The following SLIT2 variants were observed in gnomAD, a reference collection of about 807,000 sequenced individuals.
SLIT2 encodes slit guidance ligand 2.
Under a neutral mutation model 185.7 loss-of-function variants are expected in SLIT2, and 41 were observed. That is an observed-to-expected ratio of 0.22 (90% CI 0.17 to 0.29). The LOEUF (loss-of-function observed/expected upper bound fraction) is 0.29. Among genes scored for constraint, SLIT2 ranks in the 10% least tolerant of loss-of-function variants. The pLI, the probability that SLIT2 is intolerant of heterozygous loss-of-function variation, is 1.00. For synonymous variants in SLIT2, 693 were observed against 680.2 expected (o/e 1.02, Z -0.29); for missense variants, 1,571 against 1,909.0 (o/e 0.82, Z 3.30).
intron 9 of SLIT2, among the ~76,000 whole-genome samples, chr4:20,507,085 A>G (rs1159776031): frequency 6.6e-6 from 1 of 152,032 alleles, no homozygotes; most frequent in Non-Finnish European, 1.5e-5. Flanking sequence ...GTACATTGCA[A>G]TAACAGATGA....
At chr4:20,447,528 C>T (rs1419773775) in intron 4 of SLIT2, among the ~76,000 whole-genome samples, 1 of 152,026 alleles carries the variant, frequency 6.6e-6, no homozygotes, top group African/African-American at 2.4e-5. Flanking sequence ...TTTTTTGATA[C>T]AAGGAGAAAA....
chr4:20,585,509 T>C (rs1326032109), intron 29 of SLIT2, among the ~76,000 whole-genome samples: 1 of 152,186 alleles, frequency 6.6e-6, no homozygotes, highest in African/African-American at 2.4e-5. Context: ...TGAAGCCAGA[T>C]CATGGAGTCA....
intron 4 of SLIT2, among the ~76,000 whole-genome samples, chr4:20,355,838 T>C (rs1722276951): frequency 6.6e-6 from 1 of 152,142 alleles, no homozygotes; most frequent in Non-Finnish European, 1.5e-5. Context: ...AGCTCAAAAT[T>C]TTCCTTAAAT....
intron 29 of SLIT2, among the ~76,000 whole-genome samples, chr4:20,569,613 T>C (rs183530735): frequency 2.0e-3 from 308 of 152,220 alleles, no homozygotes; most frequent in Admixed American, 4.1e-3. Context: ...CAACATCAAG[T>C]TTATGACTTG....
chr4:20,313,985 T>C (rs1718357653), intron 4 of SLIT2, among the ~76,000 whole-genome samples: 1 of 152,200 alleles, frequency 6.6e-6, no homozygotes, highest in Admixed American at 6.5e-5. Context: ...AGATAAATAT[T>C]TTTCATCTCT....
At chr4:20,444,643 A>T (rs897461211) in intron 4 of SLIT2, among the ~76,000 whole-genome samples, 5 of 152,236 alleles carry the variant, frequency 3.3e-5, no homozygotes, top group African/African-American at 9.6e-5. Flanking sequence ...CCAGTGCAGT[A>T]TCGGTGCAAT....
At chr4:20,592,786 C>T (rs147260692) in intron 30 of SLIT2, among the ~76,000 whole-genome samples, 193 of 152,144 alleles carry the variant, frequency 1.3e-3, no homozygotes, top group African/African-American at 4.5e-3. Context: ...ATGTATATGG[C>T]CACTTAGAGT....
At chr4:20,398,635 A>C (rs1726107131) in intron 4 of SLIT2, among the ~76,000 whole-genome samples, 1 of 151,702 alleles carries the variant, frequency 6.6e-6, no homozygotes, top group Non-Finnish European at 1.5e-5. Flanking sequence ...ATTTTTACTC[A>C]GTCATGTATT....
chr4:20,323,866 A>G (rs760304673), intron 4 of SLIT2, among the ~76,000 whole-genome samples: 16 of 152,190 alleles, frequency 1.1e-4, no homozygotes, highest in Non-Finnish European at 1.5e-4. Flanking sequence ...TATATTGCAT[A>G]TAGAATGTGT....
intron 29 of SLIT2, among the ~76,000 whole-genome samples, chr4:20,570,731 G>GTATATATATATATATATATATATA (rs55841917): frequency 9.6e-5 from 12 of 125,546 alleles, no homozygotes; most frequent in African/African-American, 3.0e-4. Flanking sequence ...ATATATATAT[G>GTATATATATATATATATATATATA]TATATATATA....
intron 4 of SLIT2, among the ~76,000 whole-genome samples, chr4:20,455,603 G>A (rs1404371363): frequency 2.0e-5 from 3 of 151,998 alleles, no homozygotes; most frequent in Non-Finnish European, 2.9e-5. Flanking sequence ...ATTATTGAGC[G>A]ATAAAAATAA....
chr4:20,388,788 A>AT (rs1361241611), intron 4 of SLIT2, among the ~76,000 whole-genome samples: 2,846 of 103,420 alleles, frequency 0.028, 43 homozygotes, highest in African/African-American at 0.049. Flanking sequence ...GAAAAAAAAA[A>AT]AAAAATATAT....
At chr4:20,598,183 C>T in intron 32 of SLIT2, 82 bp from the exon 33 acceptor site, 1 of 1,334,164 alleles carries the variant, frequency 7.5e-7, no homozygotes, top group Non-Finnish European at 1.0e-6. Context: ...AAAACCTGTT[C>T]ACCTCACTTA....
At chr4:20,419,628 A>C (rs1368759280) in intron 4 of SLIT2, among the ~76,000 whole-genome samples, 1 of 150,872 alleles carries the variant, frequency 6.6e-6, no homozygotes, top group Non-Finnish European at 1.5e-5. Context: ...GGAAGATGGC[A>C]TATACCTGGC....
chr4:20,482,219 C>A (rs1487140562), intron 6 of SLIT2, among the ~76,000 whole-genome samples: 1 of 151,824 alleles, frequency 6.6e-6, no homozygotes, highest in Non-Finnish European at 1.5e-5. Flanking sequence ...ATTATTAAAC[C>A]AGTGTTCCTA....
intron 4 of SLIT2, among the ~76,000 whole-genome samples, chr4:20,386,186 G>T (rs913976178): frequency 6.6e-6 from 1 of 152,124 alleles, no homozygotes; most frequent in Admixed American, 6.5e-5. Flanking sequence ...GCATGTAATT[G>T]TATTAAGCTG....
At chr4:20,493,917 A>G (rs775497261) in intron 9 of SLIT2, among the ~76,000 whole-genome samples, 9 of 152,244 alleles carry the variant, frequency 5.9e-5, no homozygotes, top group Admixed American at 2.0e-4. Flanking sequence ...TGAGCTAGGC[A>G]GTAGGAATGA....
At chr4:20,535,468 A>G (rs943235281) in intron 18 of SLIT2, among the ~76,000 whole-genome samples, 3 of 152,030 alleles carry the variant, frequency 2.0e-5, no homozygotes, top group Non-Finnish European at 4.4e-5. Context: ...CTTTCTTGAT[A>G]CTGGAACCTT....
At chr4:20,563,418 T>C (rs771407379) in intron 26 of SLIT2, among the ~76,000 whole-genome samples, 33 of 151,934 alleles carry the variant, frequency 2.2e-4, no homozygotes, top group Non-Finnish European at 2.7e-4. Flanking sequence ...ATTGCAGTTC[T>C]TTACCAAGCA....
Sources: gnomAD v4.1 joint callset for allele counts (sites outside exome capture counted in the v4.1 genomes callset) on GRCh38, gnomAD v4.1.1 for gene constraint, MANE v1.5 for transcripts, NCBI Gene and HGNC (gene_info 2026-07-23, HGNC 2026-07-21) for gene names.